The following STAU2 variants were observed in gnomAD, a reference collection of about 807,000 sequenced individuals.
STAU2 encodes the protein double-stranded RNA-binding protein Staufen homolog 2.
In STAU2, 20 loss-of-function variants were observed where a neutral mutation model predicts 65.9. That is an observed-to-expected ratio of 0.30 (90% confidence interval 0.21 to 0.44). The LOEUF is 0.44. Among genes scored for constraint, STAU2 ranks in the 20% least tolerant of loss-of-function variants. The pLI is 1.00. For missense variants in STAU2, 558 were observed against 683.9 expected, an observed-to-expected ratio of 0.82 and a Z score of 2.05; for synonymous variants, 232 against 233.9, an observed-to-expected ratio of 0.99 and a Z score of 0.07.
intron 8 of STAU2, among the ~76,000 whole-genome samples, chr8:73,614,505 A>T (rs1812691316): frequency 6.6e-6 from 1 of 152,174 alleles, no homozygotes; most frequent in African/African-American, 2.4e-5. Context: ...TTGTGACACG[A>T]TTTTAAAAAG....
At chr8:73,560,904 G>A (rs1808179249) in intron 12 of STAU2, among the ~76,000 whole-genome samples, 2 of 152,130 alleles carry the variant, frequency 1.3e-5, no homozygotes, top group African/African-American at 4.8e-5. Flanking sequence ...TTCAGGACTG[G>A]CTGCTATTTT....
intron 12 of STAU2, among the ~76,000 whole-genome samples, chr8:73,572,642 C>T (rs1452133044): frequency 1.3e-5 from 2 of 152,130 alleles, no homozygotes; most frequent in Non-Finnish European, 2.9e-5. Flanking sequence ...GAACCAAAGA[C>T]GAAAACCACG....
At chr8:73,612,446 C>T (rs1249282002) in intron 9 of STAU2, among the ~76,000 whole-genome samples, 1 of 152,166 alleles carries the variant, frequency 6.6e-6, no homozygotes, top group Non-Finnish European at 1.5e-5. Context: ...CTCTTAATAG[C>T]TATATTCTAC....
chr8:73,595,191 G>A lies in STAU2; in HGVS notation c.1136C>T (p.Thr379Ile). ...MLLQLGYKAS[T>I]NLQDQLEKTG... ...CTTCTCAAGTTGATCCTGAAGATTAGTGGATGCTTTATAACCAAGTTGTAA... is the reference window on the plus strand; with the variant it reads ...CTTCTCAAGTTGATCCTGAAGATTAATGGATGCTTTATAACCAAGTTGTAA... Residue 379 changes from threonine (T) to isoleucine (I), a missense_variant, in exon 11 of 15, where the codon ACT becomes ATT. Thr to Ile is a moderately conservative substitution (Grantham distance 89). Transcript: ENST00000524300. 6.2e-7 allele frequency: 1 copy of A among 1,607,766 alleles called. No individual in the cohort carries two copies. Among genetic ancestry groups the A allele is most frequent in the Non-Finnish European group, 8.5e-7 (1 of 1,177,894 alleles).
At chr8:73,478,524 A>G (rs554931742) in intron 13 of STAU2, among the ~76,000 whole-genome samples, 2 of 152,024 alleles carry the variant, frequency 1.3e-5, no homozygotes, top group Non-Finnish European at 2.9e-5. Flanking sequence ...CTTGTCATTA[A>G]GTCTCAAGAT....
chr8:73,620,480 C>T (rs1000006349), intron 6 of STAU2, among the ~76,000 whole-genome samples: 12 of 152,052 alleles, frequency 7.9e-5, no homozygotes, highest in Non-Finnish European at 1.5e-4. Context: ...AATTTCTGTT[C>T]ATTGTAACTT....
chr8:73,511,752 A>C (rs1388613543), intron 13 of STAU2: 2 of 152,220 alleles, frequency 1.3e-5, no homozygotes, highest in Non-Finnish European at 2.9e-5. Context: ...AAAAAGTTTT[A>C]AGTTTTGGTA....
chr8:73,520,339 C>T (rs1002893067), intron 13 of STAU2, among the ~76,000 whole-genome samples: 2 of 152,104 alleles, frequency 1.3e-5, no homozygotes, highest in Non-Finnish European at 2.9e-5. Context: ...AATAGTATCT[C>T]AATAATCTTA....
chr8:73,551,755 T>A (rs1169965598), intron 13 of STAU2: 1 of 1,133,684 alleles, frequency 8.8e-7, no homozygotes, highest in Non-Finnish European at 1.1e-6. Context: ...GTGAAGAATA[T>A]GAAAAATGCT....
intron 13 of STAU2, among the ~76,000 whole-genome samples, chr8:73,525,691 G>A (rs1823319176): frequency 1.3e-5 from 2 of 152,218 alleles, no homozygotes; most frequent in Non-Finnish European, 2.9e-5. Flanking sequence ...TTTCAGAGGT[G>A]TGGGTTACTG....
chr8:73,510,666 T>C (rs552774543), intron 13 of STAU2, among the ~76,000 whole-genome samples: 1 of 152,244 alleles, frequency 6.6e-6, no homozygotes, highest in Non-Finnish European at 1.5e-5. Flanking sequence ...CACATCCTTC[T>C]TCACATAGCA....
At chr8:73,707,025 CTAACTGT>C (rs1295329498) in intron 4 of STAU2, among the ~76,000 whole-genome samples, 1 of 152,176 alleles carries the variant, frequency 6.6e-6, no homozygotes, top group Non-Finnish European at 1.5e-5. Context: ...GATGATGTCA[CTAACTGT>C]TAAAGGCAGT....
chr8:73,568,448 G>A (rs886415006), intron 12 of STAU2, among the ~76,000 whole-genome samples: 2 of 152,030 alleles, frequency 1.3e-5, no homozygotes, highest in Non-Finnish European at 2.9e-5. Flanking sequence ...TCGGGGGAGT[G>A]GGGGCAAAGC....
chr8:73,543,889 G>C (rs1563411498), intron 13 of STAU2, among the ~76,000 whole-genome samples: 1 of 152,056 alleles, frequency 6.6e-6, no homozygotes, highest in African/African-American at 2.4e-5. Context: ...TCTCAAATCT[G>C]TATGTACCAT....
chr8:73,688,625 C>T (rs374713172), intron 5 of STAU2, 29 bp downstream of exon 5: 1 of 1,612,726 alleles, frequency 6.2e-7, no homozygotes, highest in Admixed American at 1.7e-5. Context: ...ACATAGCAGA[C>T]AACATAACAG....
At chr8:73,443,365 C>T (rs910708454) in intron 13 of STAU2, among the ~76,000 whole-genome samples, 1 of 152,130 alleles carries the variant, frequency 6.6e-6, no homozygotes, top group Non-Finnish European at 1.5e-5. Context: ...CTTTGTATAG[C>T]TAGTATTATT....
intron 11 of STAU2, among the ~76,000 whole-genome samples, chr8:73,583,218 C>T (rs1810121542): frequency 6.6e-6 from 1 of 151,154 alleles, no homozygotes; most frequent in Non-Finnish European, 1.5e-5. Context: ...TTGGTCTCAG[C>T]TCATCGCAAC....
chr8:73,644,355 G>A (rs1050945723), intron 6 of STAU2, among the ~76,000 whole-genome samples: 2 of 152,038 alleles, frequency 1.3e-5, no homozygotes, highest in East Asian at 3.9e-4. Context: ...TGAAGCAGAA[G>A]GATCACTTGA....
intron 12 of STAU2, among the ~76,000 whole-genome samples, chr8:73,579,902 T>C (rs1809858192): frequency 6.6e-6 from 1 of 152,208 alleles, no homozygotes; most frequent in South Asian, 2.1e-4. Flanking sequence ...ATTTAAACTA[T>C]TTTCTAGTTG....
Sources: gnomAD v4.1 joint callset for allele counts (sites outside exome capture counted in the v4.1 genomes callset) on GRCh38, gnomAD v4.1.1 for gene constraint, MANE v1.5 for transcripts, NCBI Gene and HGNC (gene_info 2026-07-23, HGNC 2026-07-21) for gene names.